RAD51B: variants seen among roughly 807,000 people sequenced by gnomAD.
The protein encoded by RAD51B is RAD51 paralog B.
A neutral mutation model predicts 42.2 loss-of-function variants in RAD51B; 38 were observed. The ratio of observed to expected loss-of-function variants is 0.90; its 90% confidence interval spans 0.70 to 1.18. RAD51B has a LOEUF of 1.18. Ranked by LOEUF, RAD51B falls within the 50% of genes most tolerant of loss-of-function variation. RAD51B has a pLI of 0.00. For missense variants in RAD51B, 373 were observed against 400.7 expected, an observed-to-expected ratio of 0.93 and a Z score of 0.59; for synonymous variants, 154 against 145.2, an observed-to-expected ratio of 1.06 and a Z score of -0.43.
At chr14:68,564,660 A>G (rs1343294662) in intron 10 of RAD51B, among the ~76,000 whole-genome samples, 1 of 152,194 alleles carries the variant, frequency 6.6e-6, no homozygotes, top group Non-Finnish European at 1.5e-5. Flanking sequence ...AGGGCTCCCC[A>G]CCACCACAAG....
intron 4 of RAD51B, among the ~76,000 whole-genome samples, chr14:67,837,157 A>G (rs2140301814): frequency 6.7e-6 from 1 of 149,936 alleles, no homozygotes; most frequent in East Asian, 2.0e-4. Context: ...ACACACACAT[A>G]CACACACACA....
Position 68,626,958 on chromosome 14 carries a change from G to C in RAD51B, c.1037-23823G>C, listed in dbSNP as rs1010796630. ...GAAAATGAACTCTCAACTGGGAAAG[G>C]AAAAAGAATCTGTCCCTGTGTCTAG... On this transcript the variant is annotated intron_variant, in intron 10 of 11. Coordinates refer to the RAD51B transcript ENST00000488612. Among the ~76,000 whole-genome samples the C allele has an allele frequency of 2.6e-5, 4 of 152,058 alleles. No individual in the cohort carries two copies. In the East Asian group the frequency reaches 7.7e-4, roughly 29 times the overall value.
intron 11 of RAD51B, among the ~76,000 whole-genome samples, chr14:68,671,571 G>C (rs8020743): frequency 0.73 from 111,457 of 151,646 alleles, 42,175 homozygotes; most frequent in African/African-American, 0.91. Context: ...CCAACACCCC[G>C]CCTCCGACAA....
intron 7 of RAD51B, among the ~76,000 whole-genome samples, chr14:68,088,187 A>G (rs1289638224): frequency 6.6e-6 from 1 of 151,184 alleles, no homozygotes; most frequent in African/African-American, 2.4e-5. Context: ...TGTCTTTGGT[A>G]TAAGTTTTTG....
At chr14:68,474,221 A>T (rs10782456) in intron 10 of RAD51B, among the ~76,000 whole-genome samples, 1 of 147,548 alleles carries the variant, frequency 6.8e-6, no homozygotes, top group Non-Finnish European at 1.5e-5. Flanking sequence ...GGCTGGTCAG[A>T]GTGTCTACAC....
chr14:68,269,143 TGAA>T (rs2081052068), intron 7 of RAD51B, among the ~76,000 whole-genome samples: 1 of 152,224 alleles, frequency 6.6e-6, no homozygotes, highest in Non-Finnish European at 1.5e-5. Flanking sequence ...TGAGCACTCA[TGAA>T]TATTTTAAGC....
At position 68,421,808 on chromosome 14, in the gene RAD51B, A is replaced by G. The variant is rs1376482340; in HGVS notation, c.957+10281A>G. 9 of 1,598,624 alleles carry G rather than the reference A, an allele frequency of 5.6e-6. No homozygotes were observed. The Middle Eastern group carries it at 5.0e-4, about 88-fold the overall frequency. On this transcript the variant is annotated intron_variant, in intron 9 of 10. Coordinates refer to ENST00000471583, the MANE Select transcript of RAD51B (RefSeq NM_133510.4). Reference sequence around the variant, plus strand: ...TATTCGTGCCTTCTTTCACTTTGCCAAAGAGCACGTGCTTGCCATCCAACC... The same window carrying G: ...TATTCGTGCCTTCTTTCACTTTGCCGAAGAGCACGTGCTTGCCATCCAACC...
At chr14:67,901,768 A>G (rs569131969) in intron 7 of RAD51B, among the ~76,000 whole-genome samples, 3 of 152,354 alleles carry the variant, frequency 2.0e-5, no homozygotes, top group East Asian at 3.9e-4. Context: ...TTGCAGCAAC[A>G]TGGATCAAAC....
At chr14:68,352,481 T>G (rs948824300) in intron 8 of RAD51B, among the ~76,000 whole-genome samples, 3 of 152,244 alleles carry the variant, frequency 2.0e-5, no homozygotes, top group African/African-American at 7.2e-5. Flanking sequence ...GGTGGTTGTT[T>G]GGATTGTAGA....
chr14:68,399,172 G>T lies in RAD51B; in HGVS notation c.854-12252G>T, dbSNP rs563471454. On this transcript the variant is annotated intron_variant, in intron 8 of 10. Coordinates refer to ENST00000471583, the MANE Select transcript of RAD51B (RefSeq NM_133510.4). ...CTACATTTTCCCACTAATTTTTTTG[G>T]GGGGGAAGGAGAGTTCAAACCTACA... is the stretch of plus-strand genomic sequence containing the variant. Among the ~76,000 whole-genome samples the T allele has an allele frequency of 3.4e-4, 52 of 152,002 alleles. No individual in the cohort carries two copies. The South Asian group carries it at 7.9e-3, about 23-fold the overall frequency.
chr14:67,898,319 G>A (rs1456750703), intron 7 of RAD51B, among the ~76,000 whole-genome samples: 1 of 152,194 alleles, frequency 6.6e-6, no homozygotes, highest in Non-Finnish European at 1.5e-5. Context: ...AATGAGATAA[G>A]CCAGACAGAG....
intron 10 of RAD51B, among the ~76,000 whole-genome samples, chr14:68,570,659 C>T (rs912957116): frequency 1.3e-5 from 2 of 152,246 alleles, no homozygotes; most frequent in East Asian, 1.9e-4. Context: ...CCTCTGTGTC[C>T]AGCCCCCATC....
intron 10 of RAD51B, among the ~76,000 whole-genome samples, chr14:68,588,547 C>T (rs1468492472): frequency 6.6e-6 from 1 of 152,116 alleles, no homozygotes; most frequent in Non-Finnish European, 1.5e-5. Flanking sequence ...TAGAATAGAT[C>T]GCTATGGGTG....
intron 4 of RAD51B, among the ~76,000 whole-genome samples, chr14:67,863,184 TCTTG>T (rs1434496179): frequency 2.2e-5 from 3 of 137,244 alleles, no homozygotes; most frequent in African/African-American, 8.6e-5. Flanking sequence ...TGAGACATGG[TCTTG>T]CTTTGTTGCT....
At chr14:68,011,610 T>C (rs554401297) in intron 7 of RAD51B, among the ~76,000 whole-genome samples, 30 of 152,226 alleles carry the variant, frequency 2.0e-4, no homozygotes, top group Admixed American at 1.2e-3. Context: ...TTTTTTCTAC[T>C]TTGATTATGA....
At chr14:68,143,804 G>T (rs925122747) in intron 7 of RAD51B, among the ~76,000 whole-genome samples, 1 of 152,210 alleles carries the variant, frequency 6.6e-6, no homozygotes, top group Non-Finnish European at 1.5e-5. Flanking sequence ...GAAGGGTATT[G>T]TAAGTGTGTG....
intron 7 of RAD51B, among the ~76,000 whole-genome samples, chr14:68,130,875 T>G (rs573456336): frequency 2.6e-5 from 4 of 152,234 alleles, no homozygotes; most frequent in South Asian, 2.1e-4. Context: ...GCTGACTTTG[T>G]GTGTGTGGGT....
intron 7 of RAD51B, among the ~76,000 whole-genome samples, chr14:68,052,788 T>A (rs1216643341): frequency 6.6e-6 from 1 of 151,034 alleles, no homozygotes; most frequent in African/African-American, 2.5e-5. Flanking sequence ...GCCTGGCTAT[T>A]TTTTTGTGTT....
At position 68,084,205 on chromosome 14, in the gene RAD51B, AC is replaced by A. The variant is rs200697944; in HGVS notation, c.756+197004del. ...ATCTCTGTTTTTTAAAATCTGAGAA[AC>A]CCATTAACTTTTACCCTAGAAAATG... On this transcript the variant is annotated intron_variant, in intron 7 of 10. Coordinates refer to ENST00000471583, the MANE Select transcript of RAD51B (RefSeq NM_133510.4). Among the ~76,000 whole-genome samples, 138 of 152,340 alleles carry A rather than the reference AC, an allele frequency of 9.1e-4. 2 individuals carry two copies. In the East Asian group the frequency reaches 0.024, roughly 27 times the overall value.
Sources: gnomAD v4.1 joint callset for allele counts (sites outside exome capture counted in the v4.1 genomes callset) on GRCh38, gnomAD v4.1.1 for gene constraint, MANE v1.5 for transcripts, NCBI Gene and HGNC (gene_info 2026-07-23, HGNC 2026-07-21) for gene names.